Variants in MAN2A1 observed in about 807,000 individuals in gnomAD.
The protein encoded by MAN2A1 is alpha-mannosidase 2.
In MAN2A1, 76 loss-of-function variants were observed where a neutral mutation model predicts 142.6. That is an observed-to-expected ratio of 0.53 (90% confidence interval 0.44 to 0.65). The LOEUF is 0.65. MAN2A1 is among the 30% of genes least tolerant of loss of function. The pLI, the probability that MAN2A1 is intolerant of heterozygous loss-of-function variation, is 0.00. For missense variants in MAN2A1, 1,311 were observed against 1,365.1 expected (o/e 0.96, Z 0.62); for synonymous variants, 559 against 473.2 (o/e 1.18, Z -2.35).
chr5:109,786,115 T>G (rs1753589305), intron 10 of MAN2A1, among the ~76,000 whole-genome samples: 1 of 152,078 alleles, frequency 6.6e-6, no homozygotes, highest in African/African-American at 2.4e-5. Context: ...ATCTTCTCCA[T>G]TTTTTAATGG....
At chr5:109,828,361 A>G (rs1408102639) in intron 16 of MAN2A1, among the ~76,000 whole-genome samples, 1 of 152,128 alleles carries the variant, frequency 6.6e-6, no homozygotes, top group African/African-American at 2.4e-5. Context: ...TTTTTGGTTA[A>G]TCTGTAATTA....
intron 15 of MAN2A1, among the ~76,000 whole-genome samples, chr5:109,823,079 A>G (rs1754670299): frequency 6.6e-6 from 1 of 152,348 alleles, no homozygotes; most frequent in Admixed American, 6.5e-5. Flanking sequence ...TTACTCATAA[A>G]TGTTTTAAAT....
chr5:109,725,374 G>A lies in MAN2A1; in HGVS notation c.536-3968G>A, dbSNP rs1561479631. Among the ~76,000 whole-genome samples, 4 of 152,172 alleles carry A rather than the reference G, an allele frequency of 2.6e-5. No individual in the cohort carries two copies. In the South Asian group the frequency reaches 8.3e-4, roughly 32 times the overall value. ...CCTGTCCCAAACCAGGAAGGACCTT[G>A]ATTGAAGCGGTCCTGGTGCCAGGTC... is the stretch of plus-strand genomic sequence containing the variant. On this transcript the variant is annotated intron_variant, in intron 3 of 21. Transcript: ENST00000261483.
At chr5:109,845,105 T>C (rs1257835120) in intron 17 of MAN2A1, among the ~76,000 whole-genome samples, 1 of 152,208 alleles carries the variant, frequency 6.6e-6, no homozygotes, top group Non-Finnish European at 1.5e-5. Context: ...TCTTCTTTTC[T>C]TCACTTTTAT....
chr5:109,720,567 G>T (rs539548209), intron 3 of MAN2A1, among the ~76,000 whole-genome samples: 1 of 152,246 alleles, frequency 6.6e-6, no homozygotes, highest in African/African-American at 2.4e-5. Flanking sequence ...GTCATAGTTG[G>T]CTAATATCTC....
At chr5:109,696,673 A>G (rs981137918) in intron 1 of MAN2A1, among the ~76,000 whole-genome samples, 3 of 152,214 alleles carry the variant, frequency 2.0e-5, no homozygotes. Flanking sequence ...TGTAGGAACC[A>G]ACAATGTCTC....
Position 109,690,561 on chromosome 5 carries a change from C to A in MAN2A1, c.135+9C>A. The A allele has an allele frequency of 6.3e-7, 1 of 1,590,834 alleles. No individual in the cohort carries two copies. Among genetic ancestry groups the A allele is most frequent in the South Asian group, 1.1e-5 (1 of 88,716 alleles). On this transcript the variant is annotated intron_variant, in intron 1 of 21. Coordinates refer to ENST00000261483, the MANE Select transcript of MAN2A1 (RefSeq NM_002372.4). ...AGGGCTCCTTCCCTCAGGTAAGCAC[C>A]TGGGAAGGGGGCGCGGGGCTCCGAG...
intron 4 of MAN2A1, among the ~76,000 whole-genome samples, chr5:109,746,921 A>G (rs766585714): frequency 6.6e-6 from 1 of 152,150 alleles, no homozygotes; most frequent in Non-Finnish European, 1.5e-5. Flanking sequence ...AGGCTCATTC[A>G]TGTTGTAGCA....
intron 16 of MAN2A1, among the ~76,000 whole-genome samples, chr5:109,829,083 T>G (rs760995394): frequency 2.6e-5 from 4 of 152,198 alleles, no homozygotes; most frequent in Non-Finnish European, 5.9e-5. Context: ...CAACATAAGC[T>G]TCATCAAGTT....
Position 109,770,590 on chromosome 5 carries a change from C to T in MAN2A1, c.1196+49C>T, listed in dbSNP as rs757136999. 24 of 1,536,736 alleles carry T rather than the reference C, an allele frequency of 1.6e-5. 1 individual carries two copies. In the South Asian group the frequency reaches 2.8e-4, roughly 18 times the overall value. ...GACAACATCTTGAATAAAGTAGCCA[C>T]TTAGCTGCTAGTTGCTGAAGGGTTG... On this transcript the variant is annotated intron_variant, in intron 7 of 21. Transcript: ENST00000261483.
chr5:109,740,361 G>T (rs1752232494), intron 4 of MAN2A1, among the ~76,000 whole-genome samples: 1 of 152,214 alleles, frequency 6.6e-6, no homozygotes, highest in Admixed American at 6.5e-5. Context: ...CTTTGGTGTA[G>T]CTGCTGAGCC....
At position 109,713,495 on chromosome 5, in the gene MAN2A1, G is replaced by A. The variant is rs1414925288; in HGVS notation, c.136-25G>A. ...CAGATCTATATTAGTATTTCATATA[G>A]CTGCCTTTTTCTTTTTTATTGTAGG... On this transcript the variant is annotated intron_variant, in intron 1 of 21. Transcript: ENST00000261483. The A allele has an allele frequency of 3.2e-6, 5 of 1,566,424 alleles. No individual in the cohort carries two copies. In the East Asian group the frequency reaches 1.1e-4, roughly 35 times the overall value.
chr5:109,824,753 C>T (rs1366899613), intron 16 of MAN2A1, among the ~76,000 whole-genome samples: 4 of 152,084 alleles, frequency 2.6e-5, no homozygotes, highest in Non-Finnish European at 5.9e-5. Flanking sequence ...TGTGGGAAAG[C>T]AAAGGGATAC....
chr5:109,861,595 G>A (rs917039347), intron 20 of MAN2A1, among the ~76,000 whole-genome samples: 1 of 152,196 alleles, frequency 6.6e-6, no homozygotes, highest in African/African-American at 2.4e-5. Context: ...ACAACCCTAA[G>A]AAGGTAGGCA....
chr5:109,801,298 G>A (rs1055077517), intron 12 of MAN2A1, among the ~76,000 whole-genome samples: 3 of 152,018 alleles, frequency 2.0e-5, no homozygotes, highest in East Asian at 3.9e-4. Flanking sequence ...TCTGTGTTTC[G>A]TCCAGAAAGA....
At chr5:109,832,943 C>G (rs1287099381) in intron 16 of MAN2A1, among the ~76,000 whole-genome samples, 1 of 149,704 alleles carries the variant, frequency 6.7e-6, no homozygotes, top group Non-Finnish European at 1.5e-5. Context: ...CGCTCCTCAC[C>G]TCCCAGACGG....
At chr5:109,774,763 T>C in intron 7 of MAN2A1, 25 bp from the exon 8 acceptor site, 1 of 1,584,724 alleles carries the variant, frequency 6.3e-7, no homozygotes, top group Non-Finnish European at 8.6e-7. Context: ...TATTTGCTGT[T>C]TTTTTGTGTT....
At chr5:109,744,626 G>A (rs1752351167) in intron 4 of MAN2A1, among the ~76,000 whole-genome samples, 2 of 152,066 alleles carry the variant, frequency 1.3e-5, no homozygotes, top group African/African-American at 4.8e-5. Context: ...GTCAAAAGTT[G>A]GCAAGAATGT....
chr5:109,715,554 A>G (rs973687537), intron 2 of MAN2A1, among the ~76,000 whole-genome samples: 6 of 152,062 alleles, frequency 3.9e-5, no homozygotes, highest in Non-Finnish European at 8.8e-5. Flanking sequence ...ATTTTTCTCA[A>G]TTTTTAGATG....
Sources: gnomAD v4.1 joint callset for allele counts (sites outside exome capture counted in the v4.1 genomes callset) on GRCh38, gnomAD v4.1.1 for gene constraint, MANE v1.5 for transcripts, NCBI Gene and HGNC (gene_info 2026-07-23, HGNC 2026-07-21) for gene names.